The following HK2 variants were observed in gnomAD, a reference collection of about 807,000 sequenced individuals.
HK2 encodes hexokinase 2, also known as hexokinase-2.
A neutral mutation model predicts 92.9 loss-of-function variants in HK2; 42 were observed. The observed-to-expected ratio is 0.45, with a 90% CI of 0.35 to 0.58. HK2 has a LOEUF of 0.58. Among genes scored for constraint, HK2 ranks in the 20% least tolerant of loss-of-function variants. HK2 has a pLI of 0.00. For missense variants in HK2, 978 were observed against 1,245.1 expected, an observed-to-expected ratio of 0.79 and a Z score of 3.23; for synonymous variants, 422 against 468.0, an observed-to-expected ratio of 0.90 and a Z score of 1.27.
chr2:74,880,011 G>A (rs1409742330), intron 9 of HK2, among the ~76,000 whole-genome samples: 1 of 152,234 alleles, frequency 6.6e-6, no homozygotes, highest in East Asian at 1.9e-4. Flanking sequence ...GTGGCTGCAT[G>A]TAGGGGACAG....
In HK2 at chr2:74,840,895, A is replaced by C. The variant is rs1298172523; in HGVS notation, c.63+6252A>C. ...CTCTGTCTCAAAAAAAAAAAAAAAAAAAAAAAAAAGCTGTGGGGGTTGGGA... is the reference window on the plus strand; with the variant it reads ...CTCTGTCTCAAAAAAAAAAAAAAAACAAAAAAAAAGCTGTGGGGGTTGGGA... On this transcript the variant is annotated intron_variant, in intron 1 of 17. Transcript: ENST00000290573. Among the ~76,000 whole-genome samples the C allele has an allele frequency of 7.5e-5, 11 of 146,166 alleles. 1 individual carries two copies. The highest frequency in any genetic ancestry group is 3.9e-4 in the East Asian group (2 of 5,104).
intron 1 of HK2, among the ~76,000 whole-genome samples, chr2:74,838,828 G>C (rs915590323): frequency 6.6e-6 from 1 of 152,150 alleles, no homozygotes; most frequent in Admixed American, 6.5e-5. Context: ...GTGAGCCACC[G>C]CGCCTGGCTG....
rs564485794 is a variant in HK2, at chr2:74,834,961, A to T, written c.63+318A>T. 1.3e-5 allele frequency among the ~76,000 whole-genome samples: 2 copies of T among 152,250 alleles called. No homozygotes were observed. Among genetic ancestry groups the T allele is most frequent in the East Asian group, 3.9e-4 (2 of 5,150 alleles). On this transcript the variant is annotated intron_variant, in intron 1 of 17. Transcript: ENST00000290573. The surrounding 1 kb of genome is among the most constrained non-coding windows in gnomAD (Gnocchi z 4.2). The stretch of plus-strand genomic sequence containing the variant: ...GGGGCGGGTCACCCCGCAGGTAGTC[A>T]GGGATTGCTGCGCCCACGTGGGAGG...
At chr2:74,866,066 G>A (rs1344647792) in intron 2 of HK2, among the ~76,000 whole-genome samples, 1 of 152,054 alleles carries the variant, frequency 6.6e-6, no homozygotes, top group African/African-American at 2.4e-5. Context: ...GTCTCCGTGT[G>A]TCACATCGCC....
intron 15 of HK2, among the ~76,000 whole-genome samples, chr2:74,887,356 G>GT (rs1042719035): frequency 8.0e-5 from 12 of 150,366 alleles, no homozygotes; most frequent in African/African-American, 2.2e-4. Context: ...TAGGGACCTC[G>GT]TTTTTTTTTC....
intron 13 of HK2, among the ~76,000 whole-genome samples, 196 bp from the exon 14 acceptor site, chr2:74,886,098 G>A (rs1655219627): frequency 6.6e-6 from 1 of 152,130 alleles, no homozygotes; most frequent in African/African-American, 2.4e-5. Context: ...GTGCTGGAAA[G>A]GGGCACTGTT....
intron 2 of HK2, 126 bp from the exon 3 acceptor site, chr2:74,867,510 A>G (rs35601612): frequency 1.1e-6 from 1 of 876,508 alleles, no homozygotes; most frequent in Non-Finnish European, 1.9e-6. Context: ...ATGTCTGTAG[A>G]GGAGTGAATC....
At chr2:74,861,554 G>A (rs1688827543) in intron 2 of HK2, among the ~76,000 whole-genome samples, 1 of 152,128 alleles carries the variant, frequency 6.6e-6, no homozygotes, top group African/African-American at 2.4e-5. Context: ...TTAAAAATGA[G>A]GCAACCAAGG....
rs780478652 is a variant in HK2, at chr2:74,881,786, A to G, written c.1646A>G (p.Lys549Arg). The G allele has an allele frequency of 4.3e-6, 7 of 1,614,122 alleles. No homozygotes were observed. Among genetic ancestry groups the G allele is most frequent in the Non-Finnish European group, 5.9e-6 (7 of 1,179,996 alleles). ...CTGCTGGTCCGTGTTCGGAATGGGA[A>G]GTGGGGTGGAGTGGAGATGCACAAC... is the stretch of plus-strand genomic sequence containing the variant. ...RVLLVRVRNG[K>R]WGGVEMHNKI... The change falls in exon 11 of 18, where the codon AAG becomes AGG. Residue 549 changes from lysine (K) to arginine (R), a missense_variant. Transcript: ENST00000290573.
chr2:74,850,152 A>G (rs1688532903), intron 1 of HK2, among the ~76,000 whole-genome samples: 1 of 152,238 alleles, frequency 6.6e-6, no homozygotes, highest in Non-Finnish European at 1.5e-5. Flanking sequence ...GGCATATTGG[A>G]AACCTCCCAG....
chr2:74,839,191 T>C (rs1688244653), intron 1 of HK2, among the ~76,000 whole-genome samples: 1 of 152,112 alleles, frequency 6.6e-6, no homozygotes, highest in Non-Finnish European at 1.5e-5. Flanking sequence ...CTGAGTGTGA[T>C]ATGGGAGACA....
chr2:74,879,148 C>T (rs967045128), intron 9 of HK2, among the ~76,000 whole-genome samples: 3 of 152,138 alleles, frequency 2.0e-5, no homozygotes, highest in Admixed American at 1.3e-4. Flanking sequence ...TCGGGCTCTC[C>T]GCAGAGCTCC....
Position 74,882,604 on chromosome 2 carries a change from C to CA in HK2, c.1839+365_1839+366insA, listed in dbSNP as rs1228967615. Among the ~76,000 whole-genome samples, 8 of 40,532 alleles carry CA rather than the reference C, an allele frequency of 2.0e-4. 1 individual carries two copies. Among genetic ancestry groups the CA allele is most frequent in the Non-Finnish European group, 3.3e-4 (6 of 18,206 alleles). The allele number at this position is 40,532 out of a possible 152,430, so 26.6% of individuals were successfully genotyped here. On this transcript the variant is annotated intron_variant, in intron 12 of 17. Transcript: ENST00000290573. ...ATAGGAAGACCCCATCTCTATTGAA[C>CA]TTATATATATATATATAGCATTTTT...
intron 1 of HK2, among the ~76,000 whole-genome samples, chr2:74,853,031 T>G (rs1379129047): frequency 2.0e-5 from 3 of 152,148 alleles, no homozygotes; most frequent in African/African-American, 7.2e-5. Flanking sequence ...CAGGGAGGCC[T>G]GGCTGTTGTG....
chr2:74,874,855 C>G (rs1261816092), intron 7 of HK2, among the ~76,000 whole-genome samples: 1 of 152,158 alleles, frequency 6.6e-6, no homozygotes, highest in African/African-American at 2.4e-5. Context: ...ACCCAGAGGA[C>G]AGGCTGACAG....
intron 1 of HK2, among the ~76,000 whole-genome samples, chr2:74,840,358 G>T (rs1402701165): frequency 5.3e-5 from 8 of 151,778 alleles, no homozygotes; most frequent in Non-Finnish European, 7.4e-5. Context: ...GGGGGAATCA[G>T]AGCAACACAA....
At chr2:74,879,659 C>T (rs1312415415) in intron 9 of HK2, among the ~76,000 whole-genome samples, 1 of 152,174 alleles carries the variant, frequency 6.6e-6, no homozygotes, top group African/African-American at 2.4e-5. Context: ...GCAGCCTACT[C>T]CTGCACTTGG....
chr2:74,873,377 T>TGG lies in HK2; in HGVS notation c.591+9_591+10dup. Reference sequence around the variant, plus strand: ...AGGCCATCCAGAGGAGAGGGGTGAGTGGGGTGGCAGGAGCTTGGGGTCTGT... The same window carrying TGG: ...AGGCCATCCAGAGGAGAGGGGTGAGTGGGGGGTGGCAGGAGCTTGGGGTCTGT... On this transcript the variant is annotated splice_region_variant and intron_variant, in intron 5 of 17. Coordinates refer to ENST00000290573, the MANE Select transcript of HK2 (RefSeq NM_000189.5). 6.2e-7 allele frequency: 1 copy of TGG among 1,608,508 alleles called. No homozygotes were observed. The highest frequency in any genetic ancestry group is 8.5e-7 in the Non-Finnish European group (1 of 1,175,210).
chr2:74,882,136 TC>T lies in HK2; in HGVS notation c.1738del (p.Gln580SerfsTer12). ...GTGDELFDHI[V>X]QCIADFLEYM... ...TCCCTGCAGCTCTTTGACCACATTG[TC>T]CAGTGCATCGCGGACTTCCTCGAGT... On this transcript the variant is annotated frameshift_variant, in exon 12 of 18. Transcript: ENST00000290573. LOFTEE classifies it high-confidence loss of function. 6.2e-7 allele frequency: 1 copy of T among 1,614,194 alleles called. No individual in the cohort carries two copies. The highest frequency in any genetic ancestry group is 8.5e-7 in the Non-Finnish European group (1 of 1,180,038).
Sources: gnomAD v4.1 joint callset for allele counts (sites outside exome capture counted in the v4.1 genomes callset) on GRCh38, gnomAD v4.1.1 for gene constraint, Gnocchi (gnomAD v3.1) non-coding constraint, MANE v1.5 for transcripts, NCBI Gene and HGNC (gene_info 2026-07-23, HGNC 2026-07-21) for gene names.